Variants in SHISA9 observed in about 807,000 individuals in gnomAD.
SHISA9 encodes the protein shisa family member 9.
SHISA9 carries 13 observed loss-of-function variants against 38.0 expected under a neutral mutation model. The ratio of observed to expected loss-of-function variants is 0.34; its 90% CI spans 0.22 to 0.54. The LOEUF is 0.54. SHISA9 is among the 20% of genes least tolerant of loss of function. The pLI is 0.91. For synonymous variants in SHISA9, 275 were observed against 242.0 expected (o/e 1.14, Z -1.27); for missense variants, 538 against 575.8 (o/e 0.93, Z 0.67).
chr16:13,360,320 C>G, the SHISA9 span, among the ~76,000 whole-genome samples: 1 of 152,142 alleles, frequency 6.6e-6, no homozygotes, highest in Non-Finnish European at 1.5e-5. Context: ...TTTCCTGTCT[C>G]AGGGCTTGAT....
At chr16:13,333,067 G>A in the SHISA9 span, among the ~76,000 whole-genome samples, 2,005 of 152,346 alleles carry the variant, frequency 0.013, 37 homozygotes, top group African/African-American at 0.046. Flanking sequence ...CAGAGGTCCA[G>A]GAGAGCTGCC....
the SHISA9 span, chr16:13,331,809 T>A: frequency 6.6e-6 from 1 of 152,220 alleles, no homozygotes; most frequent in African/African-American, 2.4e-5. Flanking sequence ...CTTGGTTTCC[T>A]ATCTGGAAAG....
chr16:13,280,340 G>T, the SHISA9 span, among the ~76,000 whole-genome samples: 3 of 151,372 alleles, frequency 2.0e-5, no homozygotes, highest in East Asian at 5.8e-4. Flanking sequence ...AATTGCTTTA[G>T]GCTTAAATAA....
chr16:13,037,131 C>CACAG (rs2073083185), intron 2 of SHISA9, among the ~76,000 whole-genome samples: 3 of 148,046 alleles, frequency 2.0e-5, no homozygotes, highest in Admixed American at 1.3e-4. Context: ...CACACACACA[C>CACAG]ACACACACAC....
the SHISA9 span, among the ~76,000 whole-genome samples, chr16:13,356,722 A>G: frequency 6.6e-6 from 1 of 152,094 alleles, no homozygotes; most frequent in Non-Finnish European, 1.5e-5. Context: ...GTGGGAGGGT[A>G]AGAAGGAAGA....
At chr16:13,138,670 G>A (rs1253792332) in intron 2 of SHISA9, among the ~76,000 whole-genome samples, 1 of 152,188 alleles carries the variant, frequency 6.6e-6, no homozygotes, top group Admixed American at 6.5e-5. Context: ...TGTCTCACAA[G>A]GGGAGTCTTT....
the SHISA9 span, among the ~76,000 whole-genome samples, chr16:13,476,131 C>G: frequency 6.6e-6 from 1 of 152,054 alleles, no homozygotes; most frequent in Non-Finnish European, 1.5e-5. Context: ...TAGAAATTGA[C>G]CCTTCTGGTC....
chr16:12,957,968 A>G (rs1396576097), intron 2 of SHISA9, among the ~76,000 whole-genome samples: 1 of 152,224 alleles, frequency 6.6e-6, no homozygotes, highest in Non-Finnish European at 1.5e-5. Flanking sequence ...TGACCTCCCC[A>G]AGATTCCACC....
chr16:13,404,076 C>T, the SHISA9 span, among the ~76,000 whole-genome samples: 5 of 152,186 alleles, frequency 3.3e-5, no homozygotes, highest in African/African-American at 9.7e-5. Context: ...TTACCCTAAG[C>T]TCATGTCAGG....
At chr16:13,390,014 A>G in the SHISA9 span, among the ~76,000 whole-genome samples, 2 of 152,226 alleles carry the variant, frequency 1.3e-5, no homozygotes, top group Admixed American at 1.3e-4. Context: ...TGAAGATCCC[A>G]ACTGACAAGT....
At chr16:13,098,416 T>C (rs1396506328) in intron 2 of SHISA9, among the ~76,000 whole-genome samples, 1 of 152,210 alleles carries the variant, frequency 6.6e-6, no homozygotes, top group East Asian at 1.9e-4. Context: ...TGTGTTACCA[T>C]ATACCCATTA....
intron 2 of SHISA9, among the ~76,000 whole-genome samples, chr16:12,998,021 T>C (rs1283140054): frequency 6.6e-6 from 1 of 152,232 alleles, no homozygotes; most frequent in Non-Finnish European, 1.5e-5. Flanking sequence ...GAGAAAACTA[T>C]AGACTGGGTC....
At chr16:13,540,890 T>C in the SHISA9 span, among the ~76,000 whole-genome samples, 3 of 152,216 alleles carry the variant, frequency 2.0e-5, no homozygotes, top group Non-Finnish European at 4.4e-5. Flanking sequence ...TCATTTGCTG[T>C]CTCTTTCCAA....
At chr16:13,196,932 A>T (rs2050949319) in intron 2 of SHISA9, among the ~76,000 whole-genome samples, 1 of 152,170 alleles carries the variant, frequency 6.6e-6, no homozygotes, top group African/African-American at 2.4e-5. Context: ...TATCTCCACT[A>T]AAAATACAAA....
At chr16:13,561,319 C>T in the SHISA9 span, among the ~76,000 whole-genome samples, 2 of 151,484 alleles carry the variant, frequency 1.3e-5, no homozygotes, top group Non-Finnish European at 2.9e-5. Flanking sequence ...CGACAAGGCA[C>T]TCTGCATTTC....
At chr16:13,289,078 G>A in the SHISA9 span, among the ~76,000 whole-genome samples, 4 of 152,148 alleles carry the variant, frequency 2.6e-5, no homozygotes, top group East Asian at 3.9e-4. Context: ...TAGGGTTAGA[G>A]GCTGCGGATG....
the SHISA9 span, among the ~76,000 whole-genome samples, chr16:13,327,802 C>T: frequency 6.6e-6 from 1 of 151,816 alleles, no homozygotes; most frequent in African/African-American, 2.4e-5. Flanking sequence ...GATTACTGGC[C>T]CCTGCCACCA....
chr16:13,324,331 C>A, the SHISA9 span, among the ~76,000 whole-genome samples: 1 of 152,124 alleles, frequency 6.6e-6, no homozygotes, highest in Non-Finnish European at 1.5e-5. Context: ...TGAGCCAGGA[C>A]CTAGCTCTGG....
the SHISA9 span, among the ~76,000 whole-genome samples, chr16:13,408,465 A>G: frequency 6.6e-6 from 1 of 152,202 alleles, no homozygotes; most frequent in African/African-American, 2.4e-5. Context: ...TCATATGACA[A>G]TAATTTTGTA....
Sources: gnomAD v4.1 joint callset for allele counts (sites outside exome capture counted in the v4.1 genomes callset) on GRCh38, gnomAD v4.1.1 for gene constraint, MANE v1.5 for transcripts, NCBI Gene and HGNC (gene_info 2026-07-23, HGNC 2026-07-21) for gene names.